The following GLP1R variants were observed in gnomAD, a reference collection of about 807,000 sequenced individuals.
The protein encoded by GLP1R is glucagon-like peptide 1 receptor.
Under a neutral mutation model 68.4 loss-of-function variants are expected in GLP1R, and 32 were observed. The observed-to-expected ratio is 0.47, with a 90% CI of 0.35 to 0.63. The LOEUF (loss-of-function observed/expected upper bound fraction) is 0.63, where lower values mean the gene tolerates loss of function less well. Among genes scored for constraint, GLP1R ranks in the 20% least tolerant of loss-of-function variants. The pLI is 0.00. For missense variants in GLP1R, 502 were observed against 594.9 expected (o/e 0.84, Z 1.62); for synonymous variants, 263 against 244.4 (o/e 1.08, Z -0.71).
chr6:39,065,653 C>G (rs1768481880), intron 3 of GLP1R, 58 bp from the exon 4 acceptor site: 1 of 1,092,202 alleles, frequency 9.2e-7, no homozygotes, highest in African/African-American at 1.6e-5. Context: ...GAGCATCTAG[C>G]ACTGGGCAGG....
At chr6:39,062,224 C>T (rs1458919905) in intron 3 of GLP1R, among the ~76,000 whole-genome samples, 1 of 152,170 alleles carries the variant, frequency 6.6e-6, no homozygotes, top group Non-Finnish European at 1.5e-5. Context: ...TATCCCTGGG[C>T]CTCCTGGCAT....
At chr6:39,064,988 A>G (rs1002578854) in intron 3 of GLP1R, among the ~76,000 whole-genome samples, 44 of 152,106 alleles carry the variant, frequency 2.9e-4, no homozygotes, top group African/African-American at 9.9e-4. Context: ...ATTAGAGTCT[A>G]TGTGAAGGTA....
intron 11 of GLP1R, among the ~76,000 whole-genome samples, chr6:39,080,374 A>C (rs549792733): frequency 6.6e-6 from 1 of 152,262 alleles, no homozygotes; most frequent in African/African-American, 2.4e-5. Context: ...AGGCCTCCTC[A>C]AGGAGAGGTT....
intron 1 of GLP1R, among the ~76,000 whole-genome samples, chr6:39,052,784 C>T (rs1050195653): frequency 6.6e-6 from 1 of 152,150 alleles, no homozygotes; most frequent in Non-Finnish European, 1.5e-5. Context: ...AATGATATGC[C>T]CATTTTATGG....
rs1453307117 is a variant in GLP1R, at chr6:39,079,490, G to A, written c.1044-74G>A. 2.9e-6 allele frequency: 4 copies of A among 1,389,150 alleles called. No homozygotes were observed. The highest frequency in any genetic ancestry group is 1.4e-5 in the African/African-American group (1 of 69,090). 86.1% of individuals were successfully genotyped at this position (1,389,150 alleles called of 1,614,324 possible). On this transcript the variant is annotated intron_variant, in intron 10 of 12. Coordinates refer to ENST00000373256, the MANE Select transcript of GLP1R (RefSeq NM_002062.5). This position sits in a 1 kb window ranked among gnomAD's most constrained non-coding sequence, Gnocchi z 4.5. ...GATATCAGGACTTGGTAGGAAGTGG[G>A]GAGGGTAGAGAAAGGGAAGAAGAGT...
At chr6:39,066,047 G>A (rs886385492) in intron 4 of GLP1R, 150 bp from the exon 5 acceptor site, 13 of 620,310 alleles carry the variant, frequency 2.1e-5, no homozygotes, top group Middle Eastern at 3.1e-4. Flanking sequence ...AACCATCGCC[G>A]TAGGTTACGG....
chr6:39,080,773 T>A, intron 12 of GLP1R, 34 bp downstream of exon 12: 1 of 1,467,098 alleles, frequency 6.8e-7, no homozygotes. Context: ...GGGACCCTGG[T>A]GGGTGGGTAC....
intron 3 of GLP1R, among the ~76,000 whole-genome samples, chr6:39,061,955 T>C (rs1768367677): frequency 6.6e-6 from 1 of 152,176 alleles, no homozygotes; most frequent in African/African-American, 2.4e-5. Context: ...CCTCACTCCC[T>C]TGGGGAGGCC....
intron 5 of GLP1R, 115 bp from the exon 6 acceptor site, chr6:39,072,747 C>A: frequency 3.5e-6 from 3 of 849,880 alleles, no homozygotes; most frequent in South Asian, 3.2e-5. Context: ...AGAAGACACA[C>A]GCACAGTCCC....
intron 1 of GLP1R, among the ~76,000 whole-genome samples, chr6:39,051,721 A>G (rs1435703597): frequency 6.6e-6 from 1 of 152,052 alleles, no homozygotes; most frequent in African/African-American, 2.4e-5. Flanking sequence ...GGAGTAGGCT[A>G]TATGAACCCC....
At chr6:39,056,055 C>T (rs1333245605) in intron 1 of GLP1R, among the ~76,000 whole-genome samples, 3 of 152,168 alleles carry the variant, frequency 2.0e-5, no homozygotes, top group African/African-American at 7.2e-5. Flanking sequence ...CTCAGAAAGT[C>T]TCTCTCCTAA....
intron 7 of GLP1R, among the ~76,000 whole-genome samples, chr6:39,077,200 T>C (rs1400592899): frequency 6.6e-6 from 1 of 152,236 alleles, no homozygotes; most frequent in African/African-American, 2.4e-5. Flanking sequence ...GTGGATTTCC[T>C]GAATCACATA....
chr6:39,065,894 C>A, intron 4 of GLP1R, 65 bp downstream of exon 4: 1 of 977,194 alleles, frequency 1.0e-6, no homozygotes, highest in Non-Finnish European at 1.6e-6. Flanking sequence ...TTCACTGGAG[C>A]AAAGACCCTT....
At chr6:39,071,345 C>CAAAAAAAAA (rs35740935) in intron 5 of GLP1R, among the ~76,000 whole-genome samples, 5 of 85,922 alleles carry the variant, frequency 5.8e-5, no homozygotes, top group African/African-American at 9.6e-5. Context: ...GATTCCATCT[C>CAAAAAAAAA]AAAAAAAAAA....
At chr6:39,070,527 G>A (rs1768633447) in intron 5 of GLP1R, among the ~76,000 whole-genome samples, 2 of 152,206 alleles carry the variant, frequency 1.3e-5, no homozygotes, top group Non-Finnish European at 2.9e-5. Flanking sequence ...ATTTTACTAT[G>A]TTAAGTTGTT....
Position 39,086,134 on chromosome 6 carries a change from G to T in GLP1R, c.*61G>T. On this transcript the variant is annotated 3_prime_UTR_variant, in exon 13 of 13. Coordinates refer to ENST00000373256, the MANE Select transcript of GLP1R (RefSeq NM_002062.5). The surrounding 1 kb of genome is among the most constrained non-coding windows in gnomAD (Gnocchi z 4.5). Reference sequence around the variant, plus strand: ...CAGGCCGGGTGGCCAATCCAGGTGGGAGAGACACTCCCAGGGACAAGGGAA... The same window carrying T: ...CAGGCCGGGTGGCCAATCCAGGTGGTAGAGACACTCCCAGGGACAAGGGAA... The T allele has an allele frequency of 7.3e-7, 1 of 1,361,558 alleles. No individual in the cohort carries two copies. The highest frequency in any genetic ancestry group is 1.0e-6 in the Non-Finnish European group (1 of 961,850). The allele number at this position is 1,361,558 out of a possible 1,614,324, so 84.3% of individuals were successfully genotyped here. A position where few individuals can be genotyped will look rare whatever the true frequency, so the allele number is the denominator to read the frequency against.
At position 39,085,041 on chromosome 6, in the gene GLP1R, AC is replaced by A. The variant is rs796426388; in HGVS notation, c.1225-859del. 6.6e-5 allele frequency among the ~76,000 whole-genome samples: 10 copies of A among 151,278 alleles called. No individual in the cohort carries two copies. The South Asian group carries it at 1.9e-3, about 29-fold the overall frequency. On this transcript the variant is annotated intron_variant, in intron 12 of 12. Transcript: ENST00000373256. Reference sequence around the variant, plus strand: ...AACATCACCCAGAAGAGCAGTCCAGACCCCCCAGGACTAGCTTGGCAGGTTC... The same window carrying A: ...AACATCACCCAGAAGAGCAGTCCAGACCCCCAGGACTAGCTTGGCAGGTTC...
intron 3 of GLP1R, 29 bp from the exon 4 acceptor site, chr6:39,065,682 A>G: frequency 1.4e-6 from 2 of 1,433,708 alleles, no homozygotes; most frequent in Non-Finnish European, 1.9e-6. Context: ...TTCTGGGCTG[A>G]GGCTCAGGGC....
intron 3 of GLP1R, among the ~76,000 whole-genome samples, chr6:39,065,423 T>C (rs916974783): frequency 6.6e-6 from 1 of 152,216 alleles, no homozygotes; most frequent in African/African-American, 2.4e-5. Context: ...CATTAAACTG[T>C]GTCCTAGGGT....
Sources: gnomAD v4.1 joint callset for allele counts (sites outside exome capture counted in the v4.1 genomes callset) on GRCh38, gnomAD v4.1.1 for gene constraint, Gnocchi (gnomAD v3.1) non-coding constraint, MANE v1.5 for transcripts, NCBI Gene and HGNC (gene_info 2026-07-23, HGNC 2026-07-21) for gene names.